NCOA2: variants seen among roughly 807,000 people sequenced by gnomAD.
NCOA2 encodes the protein nuclear receptor coactivator 2.
Under a neutral mutation model 145.1 loss-of-function variants are expected in NCOA2, and 21 were observed. The observed-to-expected ratio is 0.14, with a 90% CI of 0.10 to 0.21. The LOEUF (loss-of-function observed/expected upper bound fraction) is 0.21. Ranked by LOEUF, NCOA2 falls within the 10% of genes least tolerant of loss-of-function variation. The pLI is 1.00. For synonymous variants in NCOA2, 619 were observed against 637.5 expected (o/e 0.97, Z 0.44); for missense variants, 1,472 against 1,837.6 (o/e 0.80, Z 3.64).
intron 1 of NCOA2, among the ~76,000 whole-genome samples, chr8:70,348,956 G>T (rs1808923241): frequency 6.8e-6 from 1 of 146,928 alleles, no homozygotes; most frequent in African/African-American, 2.5e-5. Flanking sequence ...AATTAAAAGG[G>T]CATACTGGCA....
chr8:70,138,326 G>T lies in NCOA2; in HGVS notation c.3035C>A (p.Ser1012Tyr). The part of the protein sequence containing the change: ...LQSQVMNIGP[S>Y]ELEMNMGGPQ... ...TCCCCCCATGTTCATCTCTAATTCA[G>T]ATGGCCCTAGAAAGGGAGAAGAAAA... Residue 1012 changes from serine to tyrosine, a missense_variant, in exon 15 of 23, where the codon TCT becomes TAT. Ser to Tyr is a moderately radical substitution (Grantham distance 144, BLOSUM62 -2). Around this residue, in one of 4 missense-constraint regions of NCOA2, gnomAD observed 953 missense variants for 1,062.1 expected, o/e 0.90. Transcript: ENST00000452400. 6.2e-7 allele frequency: 1 copy of T among 1,607,396 alleles called. No homozygotes were observed. The highest frequency in any genetic ancestry group is 8.5e-7 in the Non-Finnish European group (1 of 1,177,410).
chr8:70,322,632 T>C (rs1305821362), intron 1 of NCOA2, among the ~76,000 whole-genome samples: 1 of 152,204 alleles, frequency 6.6e-6, no homozygotes, highest in Non-Finnish European at 1.5e-5. Flanking sequence ...GCCTTTACCA[T>C]ACGTGTGATC....
chr8:70,258,043 C>G (rs1035442798), intron 2 of NCOA2, among the ~76,000 whole-genome samples: 23 of 152,192 alleles, frequency 1.5e-4, no homozygotes, highest in Non-Finnish European at 2.9e-4. Context: ...TCAGTCTCCC[C>G]AGTAGCTGGG....
Position 70,156,511 on chromosome 8 carries a change from G to A in NCOA2, c.1854C>T (p.Pro618=). Residue 618 remains proline, a synonymous_variant, in exon 11 of 23, where the codon CCC becomes CCT. Transcript: ENST00000452400. ...EQKETNDPNL[P]PAVSSERADG... ...CAGCTCTCTCACTGCTCACGGCCGG[G>A]GGCAGGTTGGGGTCATTTGTTTCCT... 1.9e-6 allele frequency: 3 copies of A among 1,613,800 alleles called. No individual in the cohort carries two copies. The highest frequency in any genetic ancestry group is 1.7e-6 in the Non-Finnish European group (2 of 1,179,868).
intron 2 of NCOA2, among the ~76,000 whole-genome samples, chr8:70,277,458 C>T (rs142490913): frequency 3.3e-4 from 50 of 152,168 alleles, no homozygotes; most frequent in South Asian, 2.5e-3. Context: ...CTATATCTTT[C>T]GGTTAAATGA....
chr8:70,394,025 C>A (rs933377693), intron 1 of NCOA2, among the ~76,000 whole-genome samples: 5 of 152,118 alleles, frequency 3.3e-5, no homozygotes, highest in African/African-American at 1.2e-4. Context: ...ATTGTACAAC[C>A]CTTTGCTTAA....
chr8:70,313,575 T>G (rs1004078286), intron 1 of NCOA2, among the ~76,000 whole-genome samples: 3 of 152,304 alleles, frequency 2.0e-5, no homozygotes, highest in East Asian at 3.9e-4. Context: ...AACCTCACCC[T>G]TCACCTCATA....
rs79552844 is a variant in NCOA2, at chr8:70,287,452, T to A, written c.-20+9292A>T. ...TTCAACTTTGCGTAAAAAGGTCCTA[T>A]ATAGGCTTCTGATTATGGGAATTCT... On this transcript the variant is annotated intron_variant, in intron 2 of 22. Coordinates refer to ENST00000452400, the MANE Select transcript of NCOA2 (RefSeq NM_006540.4). Among the ~76,000 whole-genome samples, 895 of 152,328 alleles carry A rather than the reference T, an allele frequency of 5.9e-3. 5 individuals carry two copies. Among genetic ancestry groups the A allele is most frequent in the African/African-American group, 0.02 (835 of 41,570 alleles).
At chr8:70,311,918 A>C (rs1020967245) in intron 1 of NCOA2, among the ~76,000 whole-genome samples, 3 of 152,238 alleles carry the variant, frequency 2.0e-5, no homozygotes, top group Non-Finnish European at 4.4e-5. Context: ...TTATTTCCTT[A>C]ATCTTGCACT....
intron 2 of NCOA2, among the ~76,000 whole-genome samples, chr8:70,231,260 G>GT (rs1821107130): frequency 6.6e-6 from 1 of 152,182 alleles, no homozygotes; most frequent in Non-Finnish European, 1.5e-5. Flanking sequence ...AAAGATTATG[G>GT]TGTGACACTG....
intron 4 of NCOA2, among the ~76,000 whole-genome samples, chr8:70,176,207 TCTTC>T (rs1050084469): frequency 7.2e-5 from 11 of 152,246 alleles, no homozygotes; most frequent in Non-Finnish European, 1.6e-4. Context: ...ATTGATTAGT[TCTTC>T]CTTGAGTTCC....
intron 11 of NCOA2, 90 bp downstream of exon 11, chr8:70,155,881 C>G: frequency 9.8e-7 from 1 of 1,020,378 alleles, no homozygotes; most frequent in Non-Finnish European, 1.4e-6. Flanking sequence ...TATTTTTATC[C>G]AATCACCTGA....
chr8:70,439,655 C>G, the NCOA2 span, among the ~76,000 whole-genome samples: 1 of 138,638 alleles, frequency 7.2e-6, no homozygotes, highest in Admixed American at 6.8e-5. Context: ...AAGAAAATAG[C>G]AGAGGCATTC....
At chr8:70,252,762 G>A (rs890186800) in intron 2 of NCOA2, among the ~76,000 whole-genome samples, 1 of 152,028 alleles carries the variant, frequency 6.6e-6, no homozygotes, top group Non-Finnish European at 1.5e-5. Flanking sequence ...TCATTTATTC[G>A]CAGATTTGAC....
intron 9 of NCOA2, among the ~76,000 whole-genome samples, chr8:70,162,239 G>C (rs907530958): frequency 6.6e-6 from 1 of 152,184 alleles, no homozygotes; most frequent in African/African-American, 2.4e-5. Context: ...TCTGTGAGCT[G>C]AGACAAGTCG....
rs750464876 is a variant in NCOA2, at chr8:70,124,851, G to A, written c.3931C>T (p.Pro1311Ser). Residue 1311 changes from proline to serine, a missense_variant, in exon 20 of 23, where the codon CCT becomes TCT. Coordinates refer to ENST00000452400, the MANE Select transcript of NCOA2 (RefSeq NM_006540.4). ...GTAGCCCCAGTAAAGCCTGGATCAGGTTGCTGACTTATTCCTTAAAAAAAA... is the reference window on the plus strand; with the variant it reads ...GTAGCCCCAGTAAAGCCTGGATCAGATTGCTGACTTATTCCTTAAAAAAAA... Reference protein sequence around the residue: ...FPPNYGISQQPDPGFTGATTP... With the variant: ...FPPNYGISQQSDPGFTGATTP... 86 of 1,589,958 alleles carry A rather than the reference G, an allele frequency of 5.4e-5. No individual in the cohort carries two copies. The highest frequency in any genetic ancestry group is 7.2e-5 in the Non-Finnish European group (84 of 1,173,014).
intron 2 of NCOA2, among the ~76,000 whole-genome samples, chr8:70,248,633 T>C (rs902032874): frequency 6.6e-6 from 1 of 152,128 alleles, no homozygotes; most frequent in East Asian, 1.9e-4. Flanking sequence ...AGAATCTGCA[T>C]ATAATCTACG....
intron 4 of NCOA2, among the ~76,000 whole-genome samples, chr8:70,178,605 C>T (rs998260014): frequency 2.6e-5 from 4 of 152,140 alleles, no homozygotes; most frequent in Non-Finnish European, 5.9e-5. Flanking sequence ...GAAAAATCCT[C>T]GTCTGCCGAG....
At chr8:70,275,460 T>A (rs1321823342) in intron 2 of NCOA2, among the ~76,000 whole-genome samples, 1 of 152,148 alleles carries the variant, frequency 6.6e-6, no homozygotes, top group African/African-American at 2.4e-5. Context: ...AAAGGAAACC[T>A]GCTGAGTTCT....
Sources: gnomAD v4.1 joint callset for allele counts (sites outside exome capture counted in the v4.1 genomes callset) on GRCh38, gnomAD v4.1.1 for gene constraint, gnomAD v4.1.1 regional missense constraint, MANE v1.5 for transcripts, NCBI Gene and HGNC (gene_info 2026-07-23, HGNC 2026-07-21) for gene names.